CAST: variants seen among roughly 807,000 people sequenced by gnomAD.
CAST encodes the protein MIR583 host.
CAST carries 76 observed loss-of-function variants against 119.6 expected under a neutral mutation model. The ratio of observed to expected loss-of-function variants is 0.64; its 90% CI spans 0.53 to 0.77. The LOEUF is 0.77. Ranked by LOEUF, CAST falls within the 30% of genes least tolerant of loss-of-function variation. The pLI, the probability that CAST is intolerant of heterozygous loss-of-function variation, is 0.00. For missense variants in CAST, 953 were observed against 946.5 expected (o/e 1.01, Z -0.09); for synonymous variants, 319 against 331.6 (o/e 0.96, Z 0.41).
intron 1 of CAST, among the ~76,000 whole-genome samples, chr5:96,617,754 T>G (rs1747495102): frequency 1.8e-5 from 2 of 113,296 alleles, no homozygotes; most frequent in Non-Finnish European, 3.3e-5. Context: ...ATCACACCAC[T>G]GCACTCCAGC....
the CAST span, among the ~76,000 whole-genome samples, chr5:96,010,343 A>C: frequency 1.3e-5 from 2 of 152,044 alleles, no homozygotes; most frequent in South Asian, 2.1e-4. Flanking sequence ...TCAGGGTCTC[A>C]CTCTGTCACC....
the CAST span, among the ~76,000 whole-genome samples, chr5:96,345,521 AT>A: frequency 6.6e-6 from 1 of 152,210 alleles, no homozygotes; most frequent in South Asian, 2.1e-4. Flanking sequence ...ATGCTACAGT[AT>A]CTCTTAAGAA....
At chr5:96,551,195 C>T (rs1746119139) in intron 1 of CAST, among the ~76,000 whole-genome samples, 1 of 152,212 alleles carries the variant, frequency 6.6e-6, no homozygotes, top group Non-Finnish European at 1.5e-5. Context: ...CAAAGGGAAG[C>T]CCATCAGACT....
the CAST span, among the ~76,000 whole-genome samples, chr5:96,508,836 C>T: frequency 1.3e-5 from 2 of 152,104 alleles, no homozygotes; most frequent in East Asian, 3.9e-4. Flanking sequence ...AGGGTGCAGA[C>T]TTATTAACTA....
At chr5:95,973,313 A>G in the CAST span, 84 of 158,908 alleles carry the variant, frequency 5.3e-4, no homozygotes, top group Non-Finnish European at 8.6e-4. Flanking sequence ...GTTACAAGAG[A>G]TGTTACAATC....
chr5:96,659,031 C>T (rs573118547), upstream of CAST, among the ~76,000 whole-genome samples: 3 of 152,102 alleles, frequency 2.0e-5, no homozygotes, highest in Admixed American at 6.5e-5. Context: ...CAAATCGATT[C>T]CTAGGTAGAA....
chr5:96,046,207 G>A, the CAST span, among the ~76,000 whole-genome samples: 1 of 152,072 alleles, frequency 6.6e-6, no homozygotes, highest in Non-Finnish European at 1.5e-5. Context: ...AGCGTTGCAG[G>A]CCGTTGTATT....
rs114563173 is a variant in CAST at position 96,664,295 on chromosome 5, G to A, written c.75+1798G>A. 6.2e-3 allele frequency among the ~76,000 whole-genome samples: 935 copies of A among 151,466 alleles called. 12 individuals carry two copies. The highest frequency in any genetic ancestry group is 0.022 in the African/African-American group (907 of 41,060). Reference sequence around the variant, plus strand: ...GTGTGTATGTGTGTATATTTACAGTGTGTGTGCATATATATATTTACACAT... The same window carrying A: ...GTGTGTATGTGTGTATATTTACAGTATGTGTGCATATATATATTTACACAT... On this transcript the variant is annotated intron_variant, in intron 1 of 31. Coordinates refer to ENST00000675179, the MANE Select transcript of CAST (RefSeq NM_001750.7).
the CAST span, among the ~76,000 whole-genome samples, chr5:96,171,404 G>A: frequency 6.6e-6 from 1 of 152,152 alleles, no homozygotes; most frequent in African/African-American, 2.4e-5. Context: ...AAGGAGGCAA[G>A]CCCAGAGAAA....
chr5:96,575,987 C>T (rs1561420942), intron 1 of CAST, among the ~76,000 whole-genome samples: 2 of 152,122 alleles, frequency 1.3e-5, no homozygotes, highest in Non-Finnish European at 2.9e-5. Flanking sequence ...TGAATGTTAT[C>T]AACCTTGTTG....
the CAST span, among the ~76,000 whole-genome samples, chr5:96,174,294 C>G: frequency 6.6e-6 from 1 of 152,144 alleles, no homozygotes; most frequent in East Asian, 1.9e-4. Flanking sequence ...TCTTCTTGGG[C>G]CACACTTCTA....
the CAST span, among the ~76,000 whole-genome samples, chr5:96,025,339 GTCCT>G: frequency 6.6e-6 from 1 of 152,072 alleles, no homozygotes; most frequent in African/African-American, 2.4e-5. Context: ...GAGGATGCAA[GTCCT>G]TTCATGTCTT....
At chr5:96,460,035 C>A in the CAST span, among the ~76,000 whole-genome samples, 1 of 152,062 alleles carries the variant, frequency 6.6e-6, no homozygotes, top group Non-Finnish European at 1.5e-5. Context: ...AATTCTAGAC[C>A]CATCCAGCCA....
At chr5:96,212,749 A>G in the CAST span, among the ~76,000 whole-genome samples, 7 of 152,196 alleles carry the variant, frequency 4.6e-5, no homozygotes, top group African/African-American at 1.7e-4. Context: ...TGTTTCAGAT[A>G]TTTCATAACT....
At chr5:96,593,343 A>G (rs6867895) in intron 1 of CAST, among the ~76,000 whole-genome samples, 5 of 152,262 alleles carry the variant, frequency 3.3e-5, no homozygotes, top group African/African-American at 9.6e-5. Flanking sequence ...AACCCTGAGC[A>G]TGTCTTGATC....
intron 1 of CAST, among the ~76,000 whole-genome samples, chr5:96,536,026 TTAAGG>T (rs1270825178): frequency 7.3e-6 from 1 of 137,462 alleles, no homozygotes; most frequent in African/African-American, 2.7e-5. Context: ...TGTTAAATAT[TTAAGG>T]TTTTTTTTTT....
At chr5:96,509,309 T>C in the CAST span, among the ~76,000 whole-genome samples, 1 of 152,166 alleles carries the variant, frequency 6.6e-6, no homozygotes, top group Non-Finnish European at 1.5e-5. Context: ...ACAACGGAGG[T>C]GTCAGGGTTA....
chr5:96,132,664 C>T, the CAST span, among the ~76,000 whole-genome samples: 2 of 152,096 alleles, frequency 1.3e-5, no homozygotes, highest in African/African-American at 4.8e-5. Context: ...TAAGGAATGG[C>T]TCATCTTTAA....
the CAST span, among the ~76,000 whole-genome samples, chr5:96,103,386 TC>T: frequency 2.9e-5 from 4 of 137,366 alleles, no homozygotes; most frequent in African/African-American, 1.1e-4. Flanking sequence ...AGTGTGATGT[TC>T]CCCTTCCTGT....
Sources: gnomAD v4.1 joint callset for allele counts (sites outside exome capture counted in the v4.1 genomes callset) on GRCh38, gnomAD v4.1.1 for gene constraint, MANE v1.5 for transcripts, NCBI Gene and HGNC (gene_info 2026-07-23, HGNC 2026-07-21) for gene names.